Variants in MYT1L observed in about 807,000 individuals in gnomAD.
The protein encoded by MYT1L is myelin transcription factor 1 like, also known as myelin transcription factor 1-like protein.
Under a neutral mutation model 126.7 loss-of-function variants are expected in MYT1L, and 12 were observed. That is an observed-to-expected ratio of 0.09 (90% confidence interval 0.06 to 0.15). The LOEUF is 0.15. Ranked by LOEUF, MYT1L falls within the 10% of genes least tolerant of loss-of-function variation. The pLI is 1.00. For missense variants in MYT1L, 979 were observed against 1,585.2 expected (o/e 0.62, Z 6.49); for synonymous variants, 541 against 604.2 (o/e 0.90, Z 1.53).
intron 4 of MYT1L, among the ~76,000 whole-genome samples, chr2:2,033,203 G>A (rs1394824436): frequency 7.0e-6 from 1 of 142,968 alleles, no homozygotes; most frequent in Admixed American, 7.1e-5. Context: ...CCCCTTGCCA[G>A]TGCCTCTCAT....
intron 8 of MYT1L, among the ~76,000 whole-genome samples, chr2:1,977,917 A>G (rs1420271652): frequency 6.6e-6 from 1 of 152,228 alleles, no homozygotes; most frequent in Non-Finnish European, 1.5e-5. Flanking sequence ...CAATTATGTA[A>G]TTCAATAATT....
At chr2:2,079,669 T>C (rs1278984659) in intron 3 of MYT1L, among the ~76,000 whole-genome samples, 1 of 152,040 alleles carries the variant, frequency 6.6e-6, no homozygotes, top group Admixed American at 6.6e-5. Context: ...TAGCCAGGCA[T>C]GGTGGTGGGC....
chr2:2,053,364 T>G (rs2069078770), intron 4 of MYT1L, among the ~76,000 whole-genome samples: 1 of 152,182 alleles, frequency 6.6e-6, no homozygotes, highest in Admixed American at 6.5e-5. Flanking sequence ...TGAATACACT[T>G]GATATCACTA....
At chr2:2,000,210 G>A (rs1372441700) in intron 4 of MYT1L, among the ~76,000 whole-genome samples, 2 of 151,986 alleles carry the variant, frequency 1.3e-5, no homozygotes, top group Admixed American at 1.3e-4. Flanking sequence ...ACAGAGTCCT[G>A]TCCCAGGGCA....
At chr2:1,963,033 T>C (rs6754170) in intron 8 of MYT1L, among the ~76,000 whole-genome samples, 2,567 of 152,318 alleles carry the variant, frequency 0.017, 70 homozygotes, top group African/African-American at 0.058. Flanking sequence ...ATCAGAGGAA[T>C]CACTCTCTAT....
intron 9 of MYT1L, among the ~76,000 whole-genome samples, chr2:1,926,893 T>C (rs1238030784): frequency 6.6e-6 from 1 of 152,244 alleles, no homozygotes; most frequent in Non-Finnish European, 1.5e-5. Flanking sequence ...AGGGAGAATG[T>C]ATGTGTGATA....
chr2:1,876,236 C>G (rs1474032778), intron 18 of MYT1L, among the ~76,000 whole-genome samples: 1 of 152,176 alleles, frequency 6.6e-6, no homozygotes, highest in Non-Finnish European at 1.5e-5. Context: ...CTGTGGGCCC[C>G]TCTCGCTGGG....
At chr2:2,159,065 C>T (rs2087303415) in intron 3 of MYT1L, among the ~76,000 whole-genome samples, 1 of 152,144 alleles carries the variant, frequency 6.6e-6, no homozygotes, top group Non-Finnish European at 1.5e-5. Context: ...TTCCACCTGC[C>T]CACATCTCAC....
rs1384141471 is a variant in MYT1L at position 1,794,821 on chromosome 2, T to G, written c.3277-2357A>C. On this transcript the variant is annotated intron_variant, in intron 23 of 24. Coordinates refer to ENST00000647738, the MANE Select transcript of MYT1L (RefSeq NM_001303052.2). ...TGCTTTTCTCAAAATGGAACAAATC[T>G]CATTGTGTTAAATCTGCTTAGCTGT... Among the ~76,000 whole-genome samples, 8 of 152,274 alleles carry G rather than the reference T, an allele frequency of 5.3e-5. No homozygotes were observed. The South Asian group carries it at 6.2e-4, about 12-fold the overall frequency.
rs535205270 is a variant in MYT1L, at chr2:1,837,457, C to G, written c.3080+1692G>C. ...GGTGAAAGGTTTGGGAAAGTAGACACTTTTTTGGAGGGCATTTTGGCATGA... is the reference window on the plus strand; with the variant it reads ...GGTGAAAGGTTTGGGAAAGTAGACAGTTTTTTGGAGGGCATTTTGGCATGA... On this transcript the variant is annotated intron_variant, in intron 21 of 24. Transcript: ENST00000647738. 8.5e-5 allele frequency among the ~76,000 whole-genome samples: 13 copies of G among 152,246 alleles called. No individual in the cohort carries two copies. In the East Asian group the frequency reaches 1.2e-3, roughly 14 times the overall value.
intron 5 of MYT1L, among the ~76,000 whole-genome samples, chr2:1,988,060 G>A (rs2061182564): frequency 1.3e-5 from 2 of 152,176 alleles, no homozygotes; most frequent in African/African-American, 4.8e-5. Flanking sequence ...CTTTGCACAT[G>A]CCTTTAAAAT....
chr2:1,895,196 G>T (rs2148899637), intron 14 of MYT1L, among the ~76,000 whole-genome samples: 1 of 152,280 alleles, frequency 6.6e-6, no homozygotes, highest in African/African-American at 2.4e-5. Context: ...ACTGCTGAAA[G>T]AAATCAGAGA....
At chr2:2,067,885 C>T (rs1031730596) in intron 3 of MYT1L, among the ~76,000 whole-genome samples, 1 of 151,708 alleles carries the variant, frequency 6.6e-6, no homozygotes. Context: ...ATTTCACAAG[C>T]GGGAACACAT....
intron 3 of MYT1L, among the ~76,000 whole-genome samples, chr2:2,123,927 A>C (rs1423416204): frequency 6.6e-6 from 1 of 152,160 alleles, no homozygotes; most frequent in Non-Finnish European, 1.5e-5. Context: ...GCCGCTGGAC[A>C]CTGGGAAGTA....
At chr2:2,185,904 C>CGG (rs2092103250) in intron 2 of MYT1L, among the ~76,000 whole-genome samples, 1 of 126,032 alleles carries the variant, frequency 7.9e-6, no homozygotes, top group African/African-American at 3.4e-5. Flanking sequence ...GCCGGGCCTT[C>CGG]CGGGCCTTCC....
intron 3 of MYT1L, among the ~76,000 whole-genome samples, chr2:2,169,767 G>C (rs188068252): frequency 6.6e-6 from 1 of 152,058 alleles, no homozygotes; most frequent in African/African-American, 2.4e-5. Context: ...TCTGCCCCAC[G>C]GACTGCTGAC....
intron 2 of MYT1L, among the ~76,000 whole-genome samples, chr2:2,173,300 T>C (rs984493996): frequency 6.6e-6 from 1 of 152,258 alleles, no homozygotes; most frequent in African/African-American, 2.4e-5. Flanking sequence ...GAGCCATTAC[T>C]GGCCCATTTC....
intron 2 of MYT1L, among the ~76,000 whole-genome samples, chr2:2,208,398 G>T (rs1224410940): frequency 6.6e-6 from 1 of 152,172 alleles, no homozygotes; most frequent in African/African-American, 2.4e-5. Flanking sequence ...ACCTGTCACA[G>T]CCAGCAGTTC....
intron 2 of MYT1L, among the ~76,000 whole-genome samples, chr2:2,211,827 CA>C (rs998527515): frequency 2.6e-4 from 35 of 135,820 alleles, no homozygotes; most frequent in South Asian, 1.9e-3. Context: ...AAAAACCAAA[CA>C]AAAAAAAAAC....
Sources: gnomAD v4.1 joint callset for allele counts (sites outside exome capture counted in the v4.1 genomes callset) on GRCh38, gnomAD v4.1.1 for gene constraint, MANE v1.5 for transcripts, NCBI Gene and HGNC (gene_info 2026-07-23, HGNC 2026-07-21) for gene names.